Variants in XKR9 observed in about 807,000 individuals in gnomAD.
XKR9 encodes the protein XK related 9.
A neutral mutation model predicts 32.0 loss-of-function variants in XKR9; 32 were observed. That is an observed-to-expected ratio of 1.00 (90% CI 0.76 to 1.34). The LOEUF (loss-of-function observed/expected upper bound fraction) is 1.34, where lower values mean the gene tolerates loss of function less well. XKR9 is among the 40% of genes most tolerant of loss of function. The probability of loss-of-function intolerance (pLI) is 0.00; values close to 1 mark genes in which losing one functional copy is unlikely to be tolerated. For missense variants in XKR9, 546 were observed against 429.7 expected (o/e 1.27, Z -2.39); for synonymous variants, 168 against 143.4 (o/e 1.17, Z -1.22).
the XKR9 span, among the ~76,000 whole-genome samples, chr8:70,816,387 A>G: frequency 9.7e-3 from 1,474 of 152,334 alleles, 23 homozygotes; most frequent in African/African-American, 0.034. Flanking sequence ...CAATCCCATG[A>G]CTATCTGCCC....
the XKR9 span, among the ~76,000 whole-genome samples, chr8:71,061,925 G>T: frequency 6.6e-6 from 1 of 152,230 alleles, no homozygotes; most frequent in East Asian, 1.9e-4. Flanking sequence ...ACTGCAGCAT[G>T]TTATGATTAC....
the XKR9 span, among the ~76,000 whole-genome samples, chr8:70,801,764 G>A: frequency 2.0e-5 from 3 of 152,036 alleles, no homozygotes; most frequent in African/African-American, 4.8e-5. Flanking sequence ...GTGGGGTGTG[G>A]AAGTCTCTCA....
chr8:70,940,867 T>A, the XKR9 span, among the ~76,000 whole-genome samples: 1 of 152,240 alleles, frequency 6.6e-6, no homozygotes, highest in South Asian at 2.1e-4. Flanking sequence ...TTAGATGTGG[T>A]CTTCTCCAGG....
At chr8:70,935,518 C>T in the XKR9 span, among the ~76,000 whole-genome samples, 3 of 151,828 alleles carry the variant, frequency 2.0e-5, no homozygotes, top group African/African-American at 7.2e-5. Context: ...TGTATTTCCC[C>T]CTCGTATTTG....
At position 70,735,268 on chromosome 8, in the gene XKR9, A is replaced by G. The variant is rs1244976976; in HGVS notation, c.*844A>G. On this transcript the variant is annotated 3_prime_UTR_variant, in exon 5 of 5. Coordinates refer to ENST00000408926, the MANE Select transcript of XKR9 (RefSeq NM_001011720.2). Reference sequence around the variant, plus strand: ...ACAAATCCCCATTTCCTCCTTCCCCAAGTCTCTCTCAACTGAAATTATAAT... The same window carrying G: ...ACAAATCCCCATTTCCTCCTTCCCCGAGTCTCTCTCAACTGAAATTATAAT... 1 of 151,662 alleles carries G rather than the reference A, an allele frequency of 6.6e-6. No homozygotes were observed. The highest frequency in any genetic ancestry group is 2.4e-5 in the African/African-American group (1 of 41,320). 9.4% of individuals were successfully genotyped at this position (151,662 alleles called of 1,614,324 possible).
At chr8:71,023,270 T>G in the XKR9 span, among the ~76,000 whole-genome samples, 2 of 152,322 alleles carry the variant, frequency 1.3e-5, no homozygotes, top group Admixed American at 1.3e-4. Context: ...ATGGGGAAGA[T>G]TTTCTGCTAG....
In XKR9 at chr8:70,771,758, C is replaced by T. The variant is rs182565661; in HGVS notation, n.353-17581C>T. ...TCTGTCCACTAATGATATCTTGTAG[C>T]TTGACCTCTTGAGAACCCAGTCTCA... is the stretch of plus-strand genomic sequence containing the variant. On this transcript the variant is annotated intron_variant and non_coding_transcript_variant, in intron 2 of 3. Coordinates refer to the XKR9 transcript ENST00000520273. 4.6e-5 allele frequency among the ~76,000 whole-genome samples: 7 copies of T among 152,246 alleles called. No individual in the cohort carries two copies. The East Asian group carries it at 1.4e-3, about 29-fold the overall frequency.
the XKR9 span, among the ~76,000 whole-genome samples, chr8:70,823,300 T>A: frequency 6.6e-6 from 1 of 152,228 alleles, no homozygotes; most frequent in South Asian, 2.1e-4. Flanking sequence ...CTAAATTATA[T>A]CCTCAACCCA....
the XKR9 span, among the ~76,000 whole-genome samples, chr8:70,965,253 T>A: frequency 6.6e-6 from 1 of 152,206 alleles, no homozygotes; most frequent in Non-Finnish European, 1.5e-5. Context: ...TTACATTTAT[T>A]GATTTGTGTA....
the XKR9 span, among the ~76,000 whole-genome samples, chr8:70,862,797 G>A: frequency 2.0e-5 from 3 of 152,078 alleles, no homozygotes; most frequent in African/African-American, 7.2e-5. Flanking sequence ...TAAGAATCAT[G>A]TAAATATAAA....
chr8:70,862,384 T>C, the XKR9 span, among the ~76,000 whole-genome samples: 1 of 151,998 alleles, frequency 6.6e-6, no homozygotes, highest in Non-Finnish European at 1.5e-5. Flanking sequence ...TTAGACTCCA[T>C]GGCACTGGCA....
the XKR9 span, among the ~76,000 whole-genome samples, chr8:70,907,740 G>C: frequency 6.6e-6 from 1 of 152,068 alleles, no homozygotes; most frequent in African/African-American, 2.4e-5. Context: ...ACTTTATTCT[G>C]TTTTGATCTT....
the XKR9 span, among the ~76,000 whole-genome samples, chr8:70,868,500 C>T: frequency 5.3e-5 from 8 of 152,104 alleles, no homozygotes; most frequent in South Asian, 8.3e-4. Context: ...AGCTATGGCC[C>T]GAGCTCTACA....
chr8:70,956,599 G>T, the XKR9 span, among the ~76,000 whole-genome samples: 20 of 152,270 alleles, frequency 1.3e-4, no homozygotes, highest in Middle Eastern at 6.8e-3. Context: ...ATGGTGCCCA[G>T]GTTGTCCATT....
the XKR9 span, among the ~76,000 whole-genome samples, chr8:70,991,572 C>G: frequency 6.6e-6 from 1 of 152,128 alleles, no homozygotes; most frequent in Admixed American, 6.5e-5. Flanking sequence ...TAAAGTTAAG[C>G]ATTTCTCTTA....
At chr8:70,673,785 A>G (rs1818795627) in intron 1 of XKR9, among the ~76,000 whole-genome samples, 2 of 151,550 alleles carry the variant, frequency 1.3e-5, no homozygotes, top group Admixed American at 1.3e-4. Flanking sequence ...AAGATACAAA[A>G]TTAAGTCTTT....
intron 4 of XKR9, among the ~76,000 whole-genome samples, chr8:70,725,381 CT>C (rs1252449676): frequency 6.6e-6 from 1 of 152,072 alleles, no homozygotes; most frequent in African/African-American, 2.4e-5. Context: ...AACATTTCCT[CT>C]TTCCAAATAG....
intron 2 of XKR9, among the ~76,000 whole-genome samples, chr8:70,749,346 G>T (rs996911840): frequency 3.3e-5 from 5 of 152,230 alleles, no homozygotes; most frequent in African/African-American, 4.8e-5. Context: ...CCTTCTGGGA[G>T]TCTAGACCTC....
At chr8:70,800,810 A>G in the XKR9 span, among the ~76,000 whole-genome samples, 1 of 151,938 alleles carries the variant, frequency 6.6e-6, no homozygotes, top group Admixed American at 6.6e-5. Flanking sequence ...TTTGGTTGGT[A>G]AGCTTTTTAT....
Sources: allele counts gnomAD v4.1 joint callset (sites outside exome capture counted in the v4.1 genomes callset), GRCh38; gene constraint gnomAD v4.1.1; transcripts MANE v1.5; gene names NCBI Gene and HGNC (gene_info 2026-07-23, HGNC 2026-07-21).